ZNF532: variants seen among roughly 807,000 people sequenced by gnomAD.
ZNF532 encodes the protein zinc finger protein 532.
ZNF532 carries 22 observed loss-of-function variants against 89.3 expected under a neutral mutation model. That is an observed-to-expected ratio of 0.25 (90% CI 0.18 to 0.35). The LOEUF (loss-of-function observed/expected upper bound fraction) is 0.35. Among genes scored for constraint, ZNF532 ranks in the 10% least tolerant of loss-of-function variants. The pLI, the probability that ZNF532 is intolerant of heterozygous loss-of-function variation, is 1.00. For missense variants in ZNF532, 1,132 were observed against 1,643.4 expected, an observed-to-expected ratio of 0.69 and a Z score of 5.38; for synonymous variants, 606 against 649.6, an observed-to-expected ratio of 0.93 and a Z score of 1.02.
intron 7 of ZNF532, chr18:58,954,114 T>C: frequency 9.7e-7 from 1 of 1,028,310 alleles, no homozygotes; most frequent in Non-Finnish European, 1.2e-6. Context: ...TAAAGACATT[T>C]GAATTTACCT....
chr18:58,894,995 A>G (rs900545028), intron 2 of ZNF532, among the ~76,000 whole-genome samples: 3 of 152,178 alleles, frequency 2.0e-5, no homozygotes, highest in Non-Finnish European at 4.4e-5. Flanking sequence ...ACTCAGAGAA[A>G]AGTTACTATC....
intron 2 of ZNF532, among the ~76,000 whole-genome samples, chr18:58,911,622 G>T (rs770806637): frequency 3.9e-5 from 6 of 152,200 alleles, no homozygotes; most frequent in Admixed American, 6.5e-5. Flanking sequence ...AGAAGTTCGA[G>T]GCTGCAGTGA....
intron 6 of ZNF532, chr18:58,953,176 A>G (rs2064392104): frequency 5.5e-6 from 1 of 181,842 alleles, no homozygotes; most frequent in Non-Finnish European, 1.1e-5. Flanking sequence ...GTTGTTCCGA[A>G]ATGGTTTGTT....
intron 7 of ZNF532, among the ~76,000 whole-genome samples, chr18:58,966,738 G>GTTTTGTTTTTTTTT: frequency 7.9e-6 from 1 of 125,994 alleles, no homozygotes; most frequent in Non-Finnish European, 1.7e-5. Context: ...ATTTTTTTGT[G>GTTTTGTTTTTTTTT]TTTTTTTTTT....
At chr18:58,978,723 A>C (rs995316749) in intron 7 of ZNF532, among the ~76,000 whole-genome samples, 1 of 152,238 alleles carries the variant, frequency 6.6e-6, no homozygotes, top group Non-Finnish European at 1.5e-5. Context: ...TTCAAATTTT[A>C]GATGTTTTTG....
intron 7 of ZNF532, among the ~76,000 whole-genome samples, chr18:58,975,414 G>A (rs1435702089): frequency 6.6e-6 from 1 of 152,168 alleles, no homozygotes; most frequent in Non-Finnish European, 1.5e-5. Context: ...CTTCCCCAAA[G>A]TCACCTGAAA....
rs2058594123 is a variant in ZNF532 at position 58,888,805 on chromosome 18, ATATAAAAAAT to A, written c.-18+23231_-18+23240del. Among the ~76,000 whole-genome samples, 10 of 56,706 alleles carry A rather than the reference ATATAAAAAAT, an allele frequency of 1.8e-4. No individual in the cohort carries two copies. In the East Asian group the frequency reaches 3.4e-3, roughly 19 times the overall value. The allele number at this position is 56,706 out of a possible 152,430, so 37.2% of individuals were successfully genotyped here. A position where few individuals can be genotyped will look rare whatever the true frequency, so the allele number is the denominator to read the frequency against. ...TATATAAAATATATATAATTTATAT[ATATAAAAAAT>A]TATATATATAAATTATATATATAAT... is the stretch of plus-strand genomic sequence containing the variant. On this transcript the variant is annotated intron_variant, in intron 2 of 9. Coordinates refer to ENST00000591808, the MANE Select transcript of ZNF532 (RefSeq NM_001375912.1).
intron 7 of ZNF532, 144 bp from the exon 8 acceptor site, chr18:58,978,904 ACATTTTC>A: frequency 1.6e-6 from 1 of 618,178 alleles, no homozygotes; most frequent in Non-Finnish European, 2.9e-6. Context: ...GTCAGATATG[ACATTTTC>A]CATGTGTAGT....
At chr18:58,895,170 G>T (rs1272371433) in intron 2 of ZNF532, among the ~76,000 whole-genome samples, 1 of 152,166 alleles carries the variant, frequency 6.6e-6, no homozygotes, top group Non-Finnish European at 1.5e-5. Flanking sequence ...TTCTGCCAGG[G>T]TGCCAGTCAC....
intron 2 of ZNF532, among the ~76,000 whole-genome samples, chr18:58,880,771 C>CGCGCGTGTGTGTGTGT (rs1440107025): frequency 1.4e-4 from 21 of 145,372 alleles, no homozygotes; most frequent in South Asian, 1.1e-3. Context: ...CACGCGCGCG[C>CGCGCGTGTGTGTGTGT]GTCTGTGTGT....
Position 58,981,551 on chromosome 18 carries a change from C to A in ZNF532, c.3345C>A (p.Asp1115Glu). The change falls in exon 9 of 10, where the codon GAC becomes GAA. Residue 1115 changes from aspartate to glutamate, a missense_variant. Physicochemically the swap from Asp to Glu is conservative, Grantham distance 45. This residue lies in a region of ZNF532 where 415 missense variants were observed against 604.8 expected (regional missense o/e 0.69). Transcript: ENST00000591808. ...TCCAGCTGATGCATGGCATCAAGGA[C>A]CCTGACCTGAAAGAAATGACAGATG... ...KHVQLMHGIKDPDLKEMTDAT... is the reference protein window; with the variant it reads ...KHVQLMHGIKEPDLKEMTDAT... 6.2e-7 allele frequency: 1 copy of A among 1,614,102 alleles called. No individual in the cohort carries two copies. The highest frequency in any genetic ancestry group is 8.5e-7 in the Non-Finnish European group (1 of 1,180,000).
At chr18:58,959,260 G>GTTTTTTGTT (rs2065098207) in intron 7 of ZNF532, among the ~76,000 whole-genome samples, 1 of 128,710 alleles carries the variant, frequency 7.8e-6, no homozygotes, top group African/African-American at 3.3e-5. Context: ...TTTGTTTTTT[G>GTTTTTTGTT]TTTTTTTTTG....
intron 7 of ZNF532, among the ~76,000 whole-genome samples, chr18:58,972,116 A>G (rs2147455468): frequency 6.6e-6 from 1 of 152,346 alleles, no homozygotes; most frequent in South Asian, 2.1e-4. Context: ...AGGTACGAGA[A>G]TCACTTGAAT....
At chr18:58,863,913 C>T (rs897220884), upstream of ZNF532, among the ~76,000 whole-genome samples, 1 of 151,916 alleles carries the variant, frequency 6.6e-6, no homozygotes, top group Non-Finnish European at 1.5e-5. Flanking sequence ...GAGGCTCAGG[C>T]CCCTGGGCCT....
chr18:58,943,314 C>T (rs2063371572), intron 5 of ZNF532, among the ~76,000 whole-genome samples: 1 of 151,756 alleles, frequency 6.6e-6, no homozygotes, highest in African/African-American at 2.4e-5. Flanking sequence ...CGCCCACCAT[C>T]ACGCCTGGCT....
In ZNF532 at chr18:58,882,353, G is replaced by A. The variant is rs545168229; in HGVS notation, c.-18+16774G>A. Among the ~76,000 whole-genome samples, 6 of 152,288 alleles carry A rather than the reference G, an allele frequency of 3.9e-5. No homozygotes were observed. The South Asian group carries it at 1.0e-3, about 26-fold the overall frequency. On this transcript the variant is annotated intron_variant, in intron 2 of 9. Coordinates refer to ENST00000591808, the MANE Select transcript of ZNF532 (RefSeq NM_001375912.1). ...AGGAAGTACTGCCAAGAAAAGCATG[G>A]AGTTAGAGTTGTCAGGAAAATGGGC...
chr18:58,940,067 G>T, intron 5 of ZNF532: 1 of 153,944 alleles, frequency 6.5e-6, no homozygotes, highest in South Asian at 2.0e-4. Context: ...CTAATTTTTT[G>T]TATTGTTAAT....
chr18:58,938,977 T>C (rs1301857857), intron 4 of ZNF532, among the ~76,000 whole-genome samples: 1 of 152,182 alleles, frequency 6.6e-6, no homozygotes, highest in African/African-American at 2.4e-5. Flanking sequence ...CTGGGCATGG[T>C]GGTTTACACC....
intron 5 of ZNF532, among the ~76,000 whole-genome samples, chr18:58,947,190 A>C (rs1322381472): frequency 6.6e-6 from 1 of 152,154 alleles, no homozygotes; most frequent in Non-Finnish European, 1.5e-5. Context: ...GCAGTGACTA[A>C]AAAATGGTGA....
Sources: gnomAD v4.1 joint callset for allele counts (sites outside exome capture counted in the v4.1 genomes callset) on GRCh38, gnomAD v4.1.1 for gene constraint, gnomAD v4.1.1 regional missense constraint, MANE v1.5 for transcripts, NCBI Gene and HGNC (gene_info 2026-07-23, HGNC 2026-07-21) for gene names.